PLCB1: variants seen among roughly 807,000 people sequenced by gnomAD.
PLCB1 encodes the protein 1-phosphatidylinositol 4,5-bisphosphate phosphodiesterase beta-1.
PLCB1 carries 46 observed loss-of-function variants against 161.8 expected under a neutral mutation model. The ratio of observed to expected loss-of-function variants is 0.28; its 90% CI spans 0.22 to 0.36. PLCB1 has a LOEUF of 0.36. PLCB1 is among the 10% of genes least tolerant of loss of function. The pLI, the probability that PLCB1 is intolerant of heterozygous loss-of-function variation, is 1.00. For synonymous variants in PLCB1, 517 were observed against 503.7 expected, an observed-to-expected ratio of 1.03 and a Z score of -0.35; for missense variants, 1,016 against 1,472.5, an observed-to-expected ratio of 0.69 and a Z score of 5.07.
intron 23 of PLCB1, among the ~76,000 whole-genome samples, chr20:8,749,971 A>C (rs1360205595): frequency 6.6e-6 from 1 of 152,162 alleles, no homozygotes; most frequent in Admixed American, 6.5e-5. Context: ...TTTTTAAAAA[A>C]ACCCAACTAT....
chr20:8,739,521 G>A (rs889437694), intron 21 of PLCB1, among the ~76,000 whole-genome samples, 161 bp downstream of exon 21: 2 of 152,226 alleles, frequency 1.3e-5, no homozygotes, highest in Admixed American at 1.3e-4. Flanking sequence ...GTGACATGTT[G>A]TAGTATTAAT....
chr20:8,304,714 A>G (rs1455235825), intron 2 of PLCB1, among the ~76,000 whole-genome samples: 1 of 152,048 alleles, frequency 6.6e-6, no homozygotes, highest in East Asian at 1.9e-4. Context: ...TAGCCAATAC[A>G]TACAGAATGC....
chr20:8,324,309 T>C (rs190426902), intron 2 of PLCB1, among the ~76,000 whole-genome samples: 1 of 152,016 alleles, frequency 6.6e-6, no homozygotes, highest in Non-Finnish European at 1.5e-5. Context: ...ATGAAAGACA[T>C]GTATTCAGTT....
At chr20:8,306,146 T>A (rs1449518144) in intron 2 of PLCB1, among the ~76,000 whole-genome samples, 1 of 152,222 alleles carries the variant, frequency 6.6e-6, no homozygotes, top group South Asian at 2.1e-4. Context: ...GATGGACTAT[T>A]CTCATTATAG....
At chr20:8,167,652 AG>A (rs2051689255) in intron 2 of PLCB1, among the ~76,000 whole-genome samples, 1 of 152,262 alleles carries the variant, frequency 6.6e-6, no homozygotes, top group Non-Finnish European at 1.5e-5. Context: ...GCTTTACAAA[AG>A]AAAAAGCAGT....
At position 8,519,795 on chromosome 20, in the gene PLCB1, A is replaced by C. The variant is rs1012250175; in HGVS notation, c.247-108499A>C. ...TGACCTATATACTGTCATTTTGCTTAATCATTTTAAGGCAATATGAGGACA... is the reference window on the plus strand; with the variant it reads ...TGACCTATATACTGTCATTTTGCTTCATCATTTTAAGGCAATATGAGGACA... On this transcript the variant is annotated intron_variant, in intron 3 of 31. Coordinates refer to ENST00000338037, the MANE Select transcript of PLCB1 (RefSeq NM_015192.4). Among the ~76,000 whole-genome samples, 3 of 152,200 alleles carry C rather than the reference A, an allele frequency of 2.0e-5. No individual in the cohort carries two copies. The East Asian group carries it at 5.8e-4, about 29-fold the overall frequency.
chr20:8,495,057 G>GA lies in PLCB1; in HGVS notation c.246+123618dup, dbSNP rs201740308. On this transcript the variant is annotated intron_variant, in intron 3 of 31. Coordinates refer to ENST00000338037, the MANE Select transcript of PLCB1 (RefSeq NM_015192.4). Reference sequence around the variant, plus strand: ...TGAGATGTAGTTTTAAATCTTTTATGAAAAAAAAAAACCTTATGGAGAAAG... The same window carrying GA: ...TGAGATGTAGTTTTAAATCTTTTATGAAAAAAAAAAAACCTTATGGAGAAAG... 1.2e-3 allele frequency among the ~76,000 whole-genome samples: 177 copies of GA among 144,538 alleles called. 3 individuals are homozygous for GA. Among genetic ancestry groups the GA allele is most frequent in the East Asian group, 4.6e-3 (23 of 5,050 alleles). 94.8% of individuals were successfully genotyped at this position (144,538 alleles called of 152,430 possible).
chr20:8,586,077 C>T (rs1382408755), intron 3 of PLCB1, among the ~76,000 whole-genome samples: 4 of 152,166 alleles, frequency 2.6e-5, no homozygotes, highest in Non-Finnish European at 4.4e-5. Context: ...AGCAAGCCTC[C>T]TTGATTAATC....
chr20:8,609,650 T>A (rs1987849093), intron 3 of PLCB1, among the ~76,000 whole-genome samples: 1 of 152,118 alleles, frequency 6.6e-6, no homozygotes, highest in Admixed American at 6.6e-5. Context: ...TACACATGGT[T>A]CTTTTTTTAA....
intron 3 of PLCB1, among the ~76,000 whole-genome samples, chr20:8,593,577 G>A (rs1987223997): frequency 1.3e-5 from 2 of 152,014 alleles, no homozygotes; most frequent in Non-Finnish European, 2.9e-5. Flanking sequence ...TAATACCAAT[G>A]ATAATCTGAC....
At chr20:8,537,269 A>G (rs1985091924) in intron 3 of PLCB1, among the ~76,000 whole-genome samples, 1 of 152,150 alleles carries the variant, frequency 6.6e-6, no homozygotes, top group Admixed American at 6.5e-5. Flanking sequence ...TTGATCCCGG[A>G]CTTACAGTTT....
chr20:8,619,935 A>G (rs2123193886), intron 3 of PLCB1, among the ~76,000 whole-genome samples: 1 of 152,332 alleles, frequency 6.6e-6, no homozygotes, highest in African/African-American at 2.4e-5. Context: ...TCTATAAGAG[A>G]TTAAAGTATT....
At chr20:8,219,490 A>T (rs977145296) in intron 2 of PLCB1, among the ~76,000 whole-genome samples, 7 of 152,166 alleles carry the variant, frequency 4.6e-5, no homozygotes, top group Admixed American at 4.6e-4. Flanking sequence ...ACTGCTCTCC[A>T]TAAGGAAAGC....
intron 2 of PLCB1, among the ~76,000 whole-genome samples, chr20:8,251,244 A>G (rs1455980832): frequency 3.9e-5 from 6 of 151,948 alleles, no homozygotes; most frequent in African/African-American, 1.4e-4. Context: ...ACCTCTTAAT[A>G]CGATCACAGT....
At chr20:8,424,036 C>A (rs956678988) in intron 3 of PLCB1, among the ~76,000 whole-genome samples, 1 of 152,138 alleles carries the variant, frequency 6.6e-6, no homozygotes, top group African/African-American at 2.4e-5. Context: ...AGAGGGGTCA[C>A]CCACACAATC....
chr20:8,185,025 A>C (rs1444087427), intron 2 of PLCB1, among the ~76,000 whole-genome samples: 1 of 151,530 alleles, frequency 6.6e-6, no homozygotes, highest in African/African-American at 2.4e-5. Flanking sequence ...CCCACTTATG[A>C]GTGAGAACAT....
chr20:8,498,302 G>C (rs866964800), intron 3 of PLCB1, among the ~76,000 whole-genome samples: 10 of 151,684 alleles, frequency 6.6e-5, no homozygotes, highest in Non-Finnish European at 1.3e-4. Context: ...TCACCATGTT[G>C]GCCAAGATGG....
At chr20:8,372,185 A>G (rs1287143393) in intron 3 of PLCB1, 1 of 152,196 alleles carries the variant, frequency 6.6e-6, no homozygotes, top group Non-Finnish European at 1.5e-5. Flanking sequence ...GGGTATTGGC[A>G]AACATAGAAG....
chr20:8,237,536 A>G (rs542333882), intron 2 of PLCB1, among the ~76,000 whole-genome samples: 53 of 152,222 alleles, frequency 3.5e-4, no homozygotes, highest in African/African-American at 1.2e-3. Context: ...AGCATATATT[A>G]CTTTTATAAC....
Sources: allele counts gnomAD v4.1 joint callset (sites outside exome capture counted in the v4.1 genomes callset), GRCh38; gene constraint gnomAD v4.1.1; transcripts MANE v1.5; gene names NCBI Gene and HGNC (gene_info 2026-07-23, HGNC 2026-07-21).